TFCP2: variants seen among roughly 807,000 people sequenced by gnomAD.
TFCP2 encodes the protein alpha-globin transcription factor CP2.
In TFCP2, 33 loss-of-function variants were observed where a neutral mutation model predicts 73.4. That is an observed-to-expected ratio of 0.45 (90% CI 0.34 to 0.60). TFCP2 has a LOEUF of 0.60. Ranked by LOEUF, TFCP2 falls within the 20% of genes least tolerant of loss-of-function variation. The pLI is 0.01. For synonymous variants in TFCP2, 193 were observed against 211.6 expected (o/e 0.91, Z 0.76); for missense variants, 352 against 604.0 (o/e 0.58, Z 4.37).
chr12:51,143,768 G>C (rs1213144057), intron 1 of TFCP2, among the ~76,000 whole-genome samples: 1 of 152,062 alleles, frequency 6.6e-6, no homozygotes. Flanking sequence ...GCTGTCTCTT[G>C]GAAAAGATAG....
intron 1 of TFCP2, among the ~76,000 whole-genome samples, chr12:51,161,068 CTT>C (rs1047700434): frequency 2.0e-5 from 3 of 152,146 alleles, no homozygotes; most frequent in African/African-American, 7.2e-5. Flanking sequence ...AGAGAACACT[CTT>C]TTTTTCTTTC....
chr12:51,159,483 C>T (rs1026474074), intron 1 of TFCP2, among the ~76,000 whole-genome samples: 3 of 151,550 alleles, frequency 2.0e-5, no homozygotes, highest in South Asian at 2.1e-4. Flanking sequence ...GGATTACAGG[C>T]GCCCACCACC....
chr12:51,167,370 T>C (rs1481897708), intron 1 of TFCP2, among the ~76,000 whole-genome samples: 1 of 150,798 alleles, frequency 6.6e-6, no homozygotes, highest in Middle Eastern at 3.4e-3. Flanking sequence ...TTTTCCCTAA[T>C]AAAGATGTAG....
At chr12:51,095,813 C>CAAA (rs34105291) in intron 14 of TFCP2, among the ~76,000 whole-genome samples, 176 bp downstream of exon 14, 50 of 83,754 alleles carry the variant, frequency 6.0e-4, no homozygotes, top group East Asian at 9.0e-4. Flanking sequence ...GACTCTGTTT[C>CAAA]AAAAAAAAAA....
chr12:51,131,332 CAA>C (rs34469805), intron 1 of TFCP2, among the ~76,000 whole-genome samples: 2 of 117,902 alleles, frequency 1.7e-5, no homozygotes, highest in African/African-American at 3.5e-5. Flanking sequence ...AAGACTGTCT[CAA>C]AAAAAAAAAA....
chr12:51,097,557 T>A (rs946931910), intron 13 of TFCP2, among the ~76,000 whole-genome samples: 2 of 152,274 alleles, frequency 1.3e-5, no homozygotes, highest in East Asian at 3.9e-4. Flanking sequence ...GCCTTCTTAA[T>A]CTTTAATAAT....
chr12:51,122,587 A>T (rs1940711763), intron 1 of TFCP2, among the ~76,000 whole-genome samples: 1 of 152,108 alleles, frequency 6.6e-6, no homozygotes, highest in African/African-American at 2.4e-5. Context: ...TCGTTAAAAA[A>T]TATTTCAAAG....
At chr12:51,095,947 G>T in intron 14 of TFCP2, 42 bp downstream of exon 14, 1 of 1,549,386 alleles carries the variant, frequency 6.5e-7, no homozygotes, top group Non-Finnish European at 8.9e-7. Context: ...TAGTAGTAAA[G>T]CTGTTAAACT....
Position 51,144,370 on chromosome 12 carries a change from G to C in TFCP2, c.123-25598C>G, listed in dbSNP as rs1268255906. Among the ~76,000 whole-genome samples the C allele has an allele frequency of 1.6e-4, 24 of 152,118 alleles. No individual in the cohort carries two copies. The East Asian group carries it at 4.6e-3, about 29-fold the overall frequency. On this transcript the variant is annotated intron_variant, in intron 1 of 14. Transcript: ENST00000257915. Reference sequence around the variant, plus strand: ...TCTATCAATAAGCGAACCAAGAAAGGCCACATACTCCTGAAAAAGAATGAG... The same window carrying C: ...TCTATCAATAAGCGAACCAAGAAAGCCCACATACTCCTGAAAAAGAATGAG...
intron 1 of TFCP2, among the ~76,000 whole-genome samples, chr12:51,122,739 A>C (rs1940714694): frequency 6.6e-6 from 1 of 152,150 alleles, no homozygotes; most frequent in African/African-American, 2.4e-5. Flanking sequence ...CAGACTATTT[A>C]CAACTGTAGA....
intron 1 of TFCP2, among the ~76,000 whole-genome samples, chr12:51,133,360 A>G (rs1338925752): frequency 1.3e-5 from 2 of 151,886 alleles, no homozygotes; most frequent in African/African-American, 2.4e-5. Flanking sequence ...GGTGGGGTAC[A>G]GTGGCGTAAT....
Position 51,109,714 on chromosome 12 carries a change from AATTT to A in TFCP2, c.565-445_565-442del, listed in dbSNP as rs776212926. 7.1e-5 allele frequency among the ~76,000 whole-genome samples: 6 copies of A among 83,958 alleles called. No homozygotes were observed. The East Asian group carries it at 2.0e-3, about 28-fold the overall frequency. 55.1% of individuals were successfully genotyped at this position (83,958 alleles called of 152,430 possible). On this transcript the variant is annotated intron_variant, in intron 5 of 14. Coordinates refer to ENST00000257915, the MANE Select transcript of TFCP2 (RefSeq NM_005653.5). ...TACTGCATAAAGTCTAAGATTGGTGAATTTTTTTTTTTTTTTTTTTTGAGACTAA... is the reference window on the plus strand; with the variant it reads ...TACTGCATAAAGTCTAAGATTGGTGATTTTTTTTTTTTTTTTTGAGACTAA...
At chr12:51,145,780 G>A (rs534482279) in intron 1 of TFCP2, among the ~76,000 whole-genome samples, 2 of 150,466 alleles carry the variant, frequency 1.3e-5, no homozygotes, top group South Asian at 2.1e-4. Context: ...GGAGACCCCC[G>A]TCTCCACAAA....
intron 1 of TFCP2, among the ~76,000 whole-genome samples, chr12:51,141,374 T>C (rs1027680977): frequency 6.6e-6 from 1 of 152,098 alleles, no homozygotes; most frequent in Non-Finnish European, 1.5e-5. Context: ...CTCATCATTC[T>C]ACCTAAAGAA....
rs1388507912 is a variant in TFCP2 at position 51,095,002 on chromosome 12, C to T, written c.*239G>A. The T allele has an allele frequency of 9.2e-6, 5 of 543,224 alleles. No homozygotes were observed. Among genetic ancestry groups the T allele is most frequent in the Non-Finnish European group, 6.6e-6 (2 of 303,122 alleles). The allele number at this position is 543,224 out of a possible 1,614,324, so 33.7% of individuals were successfully genotyped here. ...TACTGATATTTAACAACAACAAGGTCCAGAAATTTAACTAAAACAGCTGCA... is the reference window on the plus strand; with the variant it reads ...TACTGATATTTAACAACAACAAGGTTCAGAAATTTAACTAAAACAGCTGCA... On this transcript the variant is annotated 3_prime_UTR_variant, in exon 15 of 15. Coordinates refer to ENST00000257915, the MANE Select transcript of TFCP2 (RefSeq NM_005653.5).
intron 1 of TFCP2, among the ~76,000 whole-genome samples, chr12:51,159,346 A>AT (rs201637237): frequency 0.036 from 5,454 of 149,566 alleles, 329 homozygotes; most frequent in African/African-American, 0.13. Flanking sequence ...TTTATTTTTT[A>AT]TTTTTTTTTG....
intron 1 of TFCP2, among the ~76,000 whole-genome samples, chr12:51,138,015 T>C (rs1340587736): frequency 6.6e-6 from 1 of 152,226 alleles, no homozygotes; most frequent in African/African-American, 2.4e-5. Flanking sequence ...GCTCATCCTG[T>C]ACTCCCTACC....
intron 13 of TFCP2, among the ~76,000 whole-genome samples, chr12:51,098,211 T>C (rs1489006278): frequency 6.6e-6 from 1 of 152,202 alleles, no homozygotes; most frequent in African/African-American, 2.4e-5. Context: ...AATAATGATG[T>C]AACCATTTCA....
At chr12:51,131,027 A>C (rs960303904) in intron 1 of TFCP2, among the ~76,000 whole-genome samples, 5 of 150,778 alleles carry the variant, frequency 3.3e-5, no homozygotes, top group Non-Finnish European at 7.4e-5. Flanking sequence ...ACTTGCCTTG[A>C]CAAAACAAGG....
Sources: allele counts gnomAD v4.1 joint callset (sites outside exome capture counted in the v4.1 genomes callset), GRCh38; gene constraint gnomAD v4.1.1; transcripts MANE v1.5; gene names NCBI Gene and HGNC (gene_info 2026-07-23, HGNC 2026-07-21).